CNTN5: variants seen among roughly 807,000 people sequenced by gnomAD.
CNTN5 encodes contactin 5.
In CNTN5, 77 loss-of-function variants were observed where a neutral mutation model predicts 129.1. That is an observed-to-expected ratio of 0.60 (90% confidence interval 0.50 to 0.72). CNTN5 has a LOEUF of 0.72. CNTN5 is among the 30% of genes least tolerant of loss of function. The probability of loss-of-function intolerance (pLI) is 0.00; values close to 1 mark genes in which losing one functional copy is unlikely to be tolerated. For synonymous variants in CNTN5, 509 were observed against 465.6 expected (o/e 1.09, Z -1.20); for missense variants, 1,478 against 1,328.8 (o/e 1.11, Z -1.75).
At position 99,495,737 on chromosome 11, in the gene CNTN5, G is replaced by A. The variant is rs577596219; in HGVS notation, c.-70-60408G>A. ...CAGGGTAGAGAATAAATTACGGAAG[G>A]GGGAGTGTTTTAATCCAGAAGAGCA... is the stretch of plus-strand genomic sequence containing the variant. On this transcript the variant is annotated intron_variant, in intron 2 of 24. Coordinates refer to ENST00000524871, the MANE Select transcript of CNTN5 (RefSeq NM_014361.4). 1.6e-3 allele frequency among the ~76,000 whole-genome samples: 240 copies of A among 152,240 alleles called. 1 individual carries two copies. Among genetic ancestry groups the A allele is most frequent in the African/African-American group, 5.6e-3 (234 of 41,542 alleles).
intron 2 of CNTN5, among the ~76,000 whole-genome samples, chr11:99,327,737 C>A (rs181907989): frequency 6.6e-6 from 1 of 152,296 alleles, no homozygotes; most frequent in African/African-American, 2.4e-5. Flanking sequence ...GTCACTGTAA[C>A]AACTGAAAAC....
chr11:99,956,243 C>A (rs114027332), intron 7 of CNTN5, among the ~76,000 whole-genome samples: 2 of 151,924 alleles, frequency 1.3e-5, no homozygotes, highest in South Asian at 2.1e-4. Context: ...CAGTTTAAAC[C>A]ATCATACTGT....
intron 3 of CNTN5, among the ~76,000 whole-genome samples, chr11:99,649,183 A>G (rs567977264): frequency 7.0e-6 from 1 of 142,148 alleles, no homozygotes; most frequent in Non-Finnish European, 1.5e-5. Context: ...TTGTGAATTT[A>G]AAAATAAATA....
intron 13 of CNTN5, among the ~76,000 whole-genome samples, chr11:100,082,894 C>T (rs1944415336): frequency 6.6e-6 from 1 of 152,068 alleles, no homozygotes; most frequent in Non-Finnish European, 1.5e-5. Context: ...TTAATTGGCT[C>T]ACAGTTCTAC....
chr11:99,990,787 A>C (rs1416169513), intron 8 of CNTN5, among the ~76,000 whole-genome samples: 1 of 152,194 alleles, frequency 6.6e-6, no homozygotes, highest in Non-Finnish European at 1.5e-5. Flanking sequence ...AAATACTATA[A>C]CATATTTATT....
intron 1 of CNTN5, among the ~76,000 whole-genome samples, chr11:99,235,871 G>A (rs1222704626): frequency 1.3e-5 from 2 of 152,142 alleles, no homozygotes; most frequent in African/African-American, 2.4e-5. Flanking sequence ...AATCAAATTA[G>A]GATTGGGTTT....
At chr11:99,439,720 A>AAAAAAG (rs1943747434) in intron 2 of CNTN5, among the ~76,000 whole-genome samples, 1 of 149,152 alleles carries the variant, frequency 6.7e-6, no homozygotes, top group African/African-American at 2.4e-5. Flanking sequence ...AAAAAAAAAA[A>AAAAAAG]AAAAAGAAAA....
intron 3 of CNTN5, among the ~76,000 whole-genome samples, chr11:99,791,048 C>T (rs182542963): frequency 2.4e-3 from 369 of 151,478 alleles, no homozygotes; most frequent in African/African-American, 8.5e-3. Context: ...ATTATTAGAC[C>T]TTAGTCAGAT....
At chr11:100,113,654 A>T (rs1945743260) in intron 13 of CNTN5, among the ~76,000 whole-genome samples, 1 of 151,860 alleles carries the variant, frequency 6.6e-6, no homozygotes, top group African/African-American at 2.4e-5. Flanking sequence ...TGAATGCATA[A>T]TTTTCCCCAC....
At chr11:100,188,153 C>A (rs1948359834) in intron 13 of CNTN5, among the ~76,000 whole-genome samples, 1 of 152,102 alleles carries the variant, frequency 6.6e-6, no homozygotes, top group South Asian at 2.1e-4. Flanking sequence ...GGAAGACATA[C>A]AAGAGGCCAG....
intron 13 of CNTN5, among the ~76,000 whole-genome samples, chr11:100,159,170 A>AAGTC (rs1801985666): frequency 6.6e-6 from 1 of 151,834 alleles, no homozygotes; most frequent in African/African-American, 2.4e-5. Context: ...ATCATCACCA[A>AAGTC]AGTCAGACTG....
intron 3 of CNTN5, among the ~76,000 whole-genome samples, chr11:99,644,137 T>C (rs609996): frequency 0.6 from 91,356 of 151,978 alleles, 28,304 homozygotes; most frequent in Admixed American, 0.69. Flanking sequence ...CCACTGAACT[T>C]GTAAATATCA....
At chr11:99,353,743 T>C (rs1000224490) in intron 2 of CNTN5, among the ~76,000 whole-genome samples, 5 of 152,232 alleles carry the variant, frequency 3.3e-5, no homozygotes, top group African/African-American at 1.2e-4. Context: ...ATTTCTCTGC[T>C]GTGCATCCTG....
intron 2 of CNTN5, among the ~76,000 whole-genome samples, chr11:99,383,087 C>T (rs1940699449): frequency 7.7e-6 from 1 of 129,562 alleles, no homozygotes; most frequent in Non-Finnish European, 1.8e-5. Flanking sequence ...GAACTCCTGA[C>T]CTTGTGATCC....
chr11:99,347,139 T>G (rs1379334617), intron 2 of CNTN5, among the ~76,000 whole-genome samples: 1 of 152,208 alleles, frequency 6.6e-6, no homozygotes, highest in Non-Finnish European at 1.5e-5. Flanking sequence ...CCCTGATTCC[T>G]TCAAGTAGTC....
intron 1 of CNTN5, among the ~76,000 whole-genome samples, chr11:99,244,209 T>C (rs1240504800): frequency 6.6e-6 from 1 of 152,152 alleles, no homozygotes; most frequent in East Asian, 1.9e-4. Context: ...TAGATATTTC[T>C]TGTGGCTATT....
intron 9 of CNTN5, among the ~76,000 whole-genome samples, chr11:100,016,675 T>A (rs1302486846): frequency 6.6e-6 from 1 of 151,966 alleles, no homozygotes; most frequent in Non-Finnish European, 1.5e-5. Flanking sequence ...TACAATTAGA[T>A]TTAATATATT....
At position 100,250,958 on chromosome 11, in the gene CNTN5, A is replaced by G. The variant is rs189011187; in HGVS notation, c.2006-4802A>G. ...ATGCTCTTTGAAGAGATGAATAAAT[A>G]GAATGGAGGGAATGAAACAGAATAA... On this transcript the variant is annotated intron_variant, in intron 16 of 24. Coordinates refer to ENST00000524871, the MANE Select transcript of CNTN5 (RefSeq NM_014361.4). 1.3e-3 allele frequency among the ~76,000 whole-genome samples: 205 copies of G among 152,302 alleles called. 2 individuals carry two copies. Among genetic ancestry groups the G allele is most frequent in the Admixed American group, 2.5e-3 (38 of 15,284 alleles).
intron 3 of CNTN5, among the ~76,000 whole-genome samples, chr11:99,568,484 C>A (rs1471134949): frequency 6.6e-6 from 1 of 152,146 alleles, no homozygotes; most frequent in Non-Finnish European, 1.5e-5. Flanking sequence ...TGGGGAACTG[C>A]CTCTATGCAG....
Sources: allele counts gnomAD v4.1 joint callset (sites outside exome capture counted in the v4.1 genomes callset), GRCh38; gene constraint gnomAD v4.1.1; transcripts MANE v1.5; gene names NCBI Gene and HGNC (gene_info 2026-07-23, HGNC 2026-07-21).